The following RSPH10B variants were observed in gnomAD, a reference collection of about 807,000 sequenced individuals.
RSPH10B encodes the protein radial spoke head 10 homolog B (Chlamydomonas).
RSPH10B carries 7 observed loss-of-function variants against 52.5 expected under a neutral mutation model. The observed-to-expected ratio is 0.13, with a 90% CI of 0.08 to 0.25. RSPH10B has a LOEUF of 0.25. Ranked by LOEUF, RSPH10B falls within the 10% of genes least tolerant of loss-of-function variation. The pLI, the probability that RSPH10B is intolerant of heterozygous loss-of-function variation, is 1.00. For synonymous variants in RSPH10B, 28 were observed against 193.2 expected, an observed-to-expected ratio of 0.14 and a Z score of 7.09; for missense variants, 89 against 542.5, an observed-to-expected ratio of 0.16 and a Z score of 8.30.
intron 13 of RSPH10B, among the ~76,000 whole-genome samples, chr7:5,940,173 G>C (rs1379141780): frequency 1.0e-5 from 1 of 96,152 alleles, no homozygotes; most frequent in Non-Finnish European, 2.5e-5. Context: ...CTCCAGCCTG[G>C]GTGACAGAGC....
At chr7:5,933,630 G>T (rs1779885848) in intron 16 of RSPH10B, among the ~76,000 whole-genome samples, 1 of 133,442 alleles carries the variant, frequency 7.5e-6, no homozygotes, top group African/African-American at 2.7e-5. Flanking sequence ...CGTGGGGGTG[G>T]GTGCCTGTAG....
chr7:5,938,042 CAA>C (rs1482021146), intron 14 of RSPH10B, 141 bp from the exon 17 acceptor site: 3 of 779,296 alleles, frequency 3.8e-6, no homozygotes, highest in Admixed American at 4.2e-5. Flanking sequence ...GACACGTGCA[CAA>C]AGACACACAC....
intron 6 of RSPH10B, among the ~76,000 whole-genome samples, 172 bp downstream of exon 8, chr7:5,957,735 G>A (rs1420717425): frequency 1.5e-5 from 2 of 129,624 alleles, no homozygotes; most frequent in Non-Finnish European, 3.2e-5. Flanking sequence ...GGTGGAGGCT[G>A]CAGTGAGCCA....
At position 5,927,062 on chromosome 7, in the gene RSPH10B, G is replaced by GTATATATATA. The variant is rs1562553198; in HGVS notation, c.2433-515_2433-514insTATATATATA. On this transcript the variant is annotated intron_variant, in intron 18 of 18. Transcript: ENST00000337579. ...GTGTGTGTGTATTATGTGTGTGTGT[G>GTATATATATA]TGTGTATATGTGTGTGTGTGTGTGT... Among the ~76,000 whole-genome samples, 284 of 92,218 alleles carry GTATATATATA rather than the reference G, an allele frequency of 3.1e-3. 1 individual carries two copies. Among genetic ancestry groups the GTATATATATA allele is most frequent in the Middle Eastern group, 0.011 (2 of 178 alleles). 60.5% of individuals were successfully genotyped at this position (92,218 alleles called of 152,430 possible).
At chr7:5,950,413 A>T (rs1780554626) in intron 9 of RSPH10B, among the ~76,000 whole-genome samples, 1 of 149,700 alleles carries the variant, frequency 6.7e-6, no homozygotes, top group Non-Finnish European at 1.5e-5. Flanking sequence ...TCTACTAAAA[A>T]TACAAAATAT....
intron 5 of RSPH10B, among the ~76,000 whole-genome samples, chr7:5,958,791 AG>A (rs1476356667): frequency 7.3e-6 from 1 of 137,474 alleles, no homozygotes; most frequent in African/African-American, 2.7e-5. Context: ...GGTTGAAGTG[AG>A]CTGAGATGGC....
In RSPH10B at chr7:5,927,724, T is replaced by C. The variant is rs539622935; in HGVS notation, c.2432+472A>G. Among the ~76,000 whole-genome samples, 23 of 147,402 alleles carry C rather than the reference T, an allele frequency of 1.6e-4. 3 individuals carry two copies. Among genetic ancestry groups the C allele is most frequent in the African/African-American group, 5.1e-4 (20 of 39,032 alleles). On this transcript the variant is annotated intron_variant, in intron 18 of 18. Coordinates refer to ENST00000337579, the Ensembl canonical transcript of RSPH10B. ...GCCAAAGCTGGCAGATCACTTGAGGTCAGGAGTTCGAGACCAGCCTGGACA... is the reference window on the plus strand; with the variant it reads ...GCCAAAGCTGGCAGATCACTTGAGGCCAGGAGTTCGAGACCAGCCTGGACA...
exon 18 of RSPH10B, chr7:5,928,326 A>C (rs200468242): frequency 8.7e-6 from 14 of 1,613,170 alleles, no homozygotes; most frequent in East Asian, 2.2e-5. Context: ...TTCACAAAGA[A>C]GACGTACATA....
chr7:5,942,908 TTA>T (rs1212461469), intron 13 of RSPH10B, among the ~76,000 whole-genome samples: 3 of 117,418 alleles, frequency 2.6e-5, no homozygotes, highest in Admixed American at 9.8e-5. Context: ...ATATATATAT[TTA>T]TTTATATATA....
chr7:5,931,172 T>G (rs1484838939), intron 17 of RSPH10B, among the ~76,000 whole-genome samples: 1 of 144,418 alleles, frequency 6.9e-6, no homozygotes, highest in Admixed American at 7.1e-5. Context: ...GACCTTGTGA[T>G]CTGCCTGCCT....
chr7:5,955,411 C>T (rs1385405712), intron 7 of RSPH10B, among the ~76,000 whole-genome samples: 1 of 30,064 alleles, frequency 3.3e-5, no homozygotes, highest in Admixed American at 3.6e-4. Context: ...AAATCTAGAG[C>T]GCCTATATTT....
chr7:5,942,979 G>A (rs1780284532), intron 13 of RSPH10B, among the ~76,000 whole-genome samples: 1 of 146,932 alleles, frequency 6.8e-6, no homozygotes, highest in African/African-American at 2.5e-5. Context: ...TGTCCATGCT[G>A]GTCTTGAACT....
At chr7:5,927,050 ATGTGTG>A (rs755187713) in intron 18 of RSPH10B, among the ~76,000 whole-genome samples, 103 of 56,086 alleles carry the variant, frequency 1.8e-3, no homozygotes, top group East Asian at 4.6e-3. Flanking sequence ...TGTGTGTATT[ATGTGTG>A]TGTGTGTGTG....
At chr7:5,926,146 C>CACGGTCGGCTGATGTTTT in exon 19 of RSPH10B, 1 of 392,310 alleles carries the variant, frequency 2.5e-6, no homozygotes. Context: ...TACACACCAC[C>CACGGTCGGCTGATGTTTT]ACGGTCGGCT....
intron 6 of RSPH10B, among the ~76,000 whole-genome samples, chr7:5,957,649 C>T (rs1472931356): frequency 4.0e-5 from 2 of 50,286 alleles, no homozygotes; most frequent in Admixed American, 2.1e-4. Context: ...ACAATTAGCC[C>T]GGCCGTGGTG....
At chr7:5,931,996 GAAAA>G (rs1562559048) in intron 17 of RSPH10B, among the ~76,000 whole-genome samples, 1 of 150,702 alleles carries the variant, frequency 6.6e-6, no homozygotes. Flanking sequence ...CTCAAAAAAA[GAAAA>G]AGAAAAGAAA....
chr7:5,929,038 G>A (rs984016221), intron 17 of RSPH10B, among the ~76,000 whole-genome samples: 1 of 142,622 alleles, frequency 7.0e-6, no homozygotes, highest in Non-Finnish European at 1.5e-5. Context: ...TTAAAGACAA[G>A]CTCTCTATGG....
intron 17 of RSPH10B, among the ~76,000 whole-genome samples, chr7:5,928,889 G>C (rs1779671773): frequency 6.7e-6 from 1 of 148,790 alleles, no homozygotes; most frequent in Middle Eastern, 3.4e-3. Context: ...GCCTCCCAAA[G>C]TGCTGGGATT....
chr7:5,956,084 C>T (rs1484229869), exon 7 of RSPH10B: 3 of 6,228 alleles, frequency 4.8e-4, no homozygotes, highest in Admixed American at 6.1e-4. Context: ...ACGTCCGTGA[C>T]GATATCCATT....
Sources: allele counts gnomAD v4.1 joint callset (sites outside exome capture counted in the v4.1 genomes callset), GRCh38; gene constraint gnomAD v4.1.1; transcripts MANE v1.5; gene names NCBI Gene and HGNC (gene_info 2026-07-23, HGNC 2026-07-21).